FSTL5: variants seen among roughly 807,000 people sequenced by gnomAD.
FSTL5 encodes the protein follistatin like 5.
In FSTL5, 62 loss-of-function variants were observed where a neutral mutation model predicts 89.1. The observed-to-expected ratio is 0.70, with a 90% CI of 0.57 to 0.86. FSTL5 has a LOEUF of 0.86. Among genes scored for constraint, FSTL5 ranks in the 40% least tolerant of loss-of-function variants. FSTL5 has a pLI of 0.00. For missense variants in FSTL5, 1,057 were observed against 1,001.6 expected (o/e 1.06, Z -0.75); for synonymous variants, 383 against 346.2 (o/e 1.11, Z -1.18).
chr4:161,557,204 T>C (rs1021636253), intron 8 of FSTL5, among the ~76,000 whole-genome samples: 2 of 151,344 alleles, frequency 1.3e-5, no homozygotes, highest in Non-Finnish European at 3.0e-5. Context: ...AAACTACAAA[T>C]AAAAGAGCAG....
chr4:162,045,975 T>C (rs905187019), intron 2 of FSTL5, among the ~76,000 whole-genome samples: 12 of 152,192 alleles, frequency 7.9e-5, no homozygotes, highest in African/African-American at 2.4e-4. Context: ...TTCATATATA[T>C]GAGACACATT....
At chr4:161,550,519 T>C (rs1048075124) in intron 8 of FSTL5, among the ~76,000 whole-genome samples, 10 of 150,454 alleles carry the variant, frequency 6.6e-5, no homozygotes, top group Non-Finnish European at 7.4e-5. Context: ...TAACTTTTTT[T>C]TGTATTTTAT....
chr4:161,735,958 G>T (rs1560816886), intron 6 of FSTL5, among the ~76,000 whole-genome samples: 1 of 151,940 alleles, frequency 6.6e-6, no homozygotes, highest in African/African-American at 2.4e-5. Flanking sequence ...AAAGGGAAGA[G>T]AAAAAAGAGA....
At chr4:161,783,248 A>T (rs1177746089) in intron 4 of FSTL5, among the ~76,000 whole-genome samples, 1 of 152,194 alleles carries the variant, frequency 6.6e-6, no homozygotes, top group Admixed American at 6.5e-5. Context: ...AGTCTTTTAA[A>T]TCATTATCCT....
At chr4:162,108,783 T>C (rs1731326359) in intron 2 of FSTL5, among the ~76,000 whole-genome samples, 1 of 151,544 alleles carries the variant, frequency 6.6e-6, no homozygotes, top group African/African-American at 2.4e-5. Context: ...ACTAGATAAA[T>C]AGAAATATAT....
At chr4:161,532,603 C>T (rs28691234) in intron 10 of FSTL5, among the ~76,000 whole-genome samples, 4,096 of 152,146 alleles carry the variant, frequency 0.027, 175 homozygotes, top group African/African-American at 0.092. Flanking sequence ...GTTCTTTTGG[C>T]ATTTTTGAAA....
chr4:161,661,718 T>C (rs1042587921), intron 6 of FSTL5, among the ~76,000 whole-genome samples: 6 of 152,176 alleles, frequency 3.9e-5, no homozygotes, highest in Non-Finnish European at 8.8e-5. Flanking sequence ...ACTAAATGTC[T>C]ACCTGTTAAA....
chr4:161,686,575 C>T (rs887071013), intron 6 of FSTL5, among the ~76,000 whole-genome samples: 15 of 150,714 alleles, frequency 1.0e-4, no homozygotes, highest in East Asian at 3.9e-4. Flanking sequence ...TTATCCAGGA[C>T]GGTCTCGATC....
chr4:162,009,234 C>T (rs1313160902), intron 3 of FSTL5, among the ~76,000 whole-genome samples: 1 of 151,932 alleles, frequency 6.6e-6, no homozygotes, highest in Non-Finnish European at 1.5e-5. Context: ...TACTAGTGCC[C>T]CAGTATAATT....
chr4:161,393,513 G>A (rs1578939348), intron 15 of FSTL5, among the ~76,000 whole-genome samples: 1 of 152,060 alleles, frequency 6.6e-6, no homozygotes. Context: ...AGGGATGGAT[G>A]TAGCTACATC....
chr4:161,398,453 C>T (rs1731075693), intron 15 of FSTL5, among the ~76,000 whole-genome samples: 1 of 152,054 alleles, frequency 6.6e-6, no homozygotes. Context: ...AGTAAATAAT[C>T]TGAGAGATTA....
chr4:161,892,839 G>C lies in FSTL5; in HGVS notation c.409+27565C>G, dbSNP rs184073630. Among the ~76,000 whole-genome samples, 107 of 152,110 alleles carry C rather than the reference G, an allele frequency of 7.0e-4. 1 individual carries two copies. The highest frequency in any genetic ancestry group is 1.2e-3 in the Non-Finnish European group (84 of 67,918). On this transcript the variant is annotated intron_variant, in intron 4 of 15. Coordinates refer to ENST00000306100, the MANE Select transcript of FSTL5 (RefSeq NM_020116.5). ...ATGTCAGAAATTGAATATTTTACAC[G>C]TTAGTCAATGCTTTCCTTAACTTTT... is the stretch of plus-strand genomic sequence containing the variant.
At chr4:161,565,350 A>G (rs1271408137) in intron 8 of FSTL5, among the ~76,000 whole-genome samples, 3 of 151,980 alleles carry the variant, frequency 2.0e-5, no homozygotes, top group Admixed American at 6.6e-5. Flanking sequence ...GTAAATGTCA[A>G]GTAAATGGAA....
At chr4:161,866,332 C>T (rs1453837662) in intron 4 of FSTL5, among the ~76,000 whole-genome samples, 2 of 152,036 alleles carry the variant, frequency 1.3e-5, no homozygotes, top group Non-Finnish European at 2.9e-5. Flanking sequence ...TCCTAATTTT[C>T]CTTTGTTCTC....
At chr4:161,575,475 G>A (rs1369033007) in intron 8 of FSTL5, among the ~76,000 whole-genome samples, 2 of 151,186 alleles carry the variant, frequency 1.3e-5, no homozygotes, top group Admixed American at 1.3e-4. Flanking sequence ...TTTTTTGTGA[G>A]ACAGAGTCTC....
At chr4:161,897,589 A>G (rs971342166) in intron 4 of FSTL5, among the ~76,000 whole-genome samples, 7 of 151,074 alleles carry the variant, frequency 4.6e-5, no homozygotes, top group South Asian at 4.2e-4. Flanking sequence ...AAAAAAAAAA[A>G]AAAAAGAAAA....
At chr4:162,055,869 A>C (rs1204727230) in intron 2 of FSTL5, among the ~76,000 whole-genome samples, 1 of 151,958 alleles carries the variant, frequency 6.6e-6, no homozygotes, top group Non-Finnish European at 1.5e-5. Flanking sequence ...TATATAATAA[A>C]TGGCACTTGA....
chr4:161,482,327 T>A (rs1297149124), intron 12 of FSTL5, among the ~76,000 whole-genome samples: 3 of 150,946 alleles, frequency 2.0e-5, no homozygotes, highest in Admixed American at 6.6e-5. Context: ...AAAAAAAAAA[T>A]TATGTGCAGT....
At chr4:161,794,252 T>C (rs2126823217) in intron 4 of FSTL5, among the ~76,000 whole-genome samples, 1 of 152,248 alleles carries the variant, frequency 6.6e-6, no homozygotes, top group East Asian at 1.9e-4. Context: ...TCTAGATGAT[T>C]TATATGTACA....
Sources: gnomAD v4.1 joint callset for allele counts (sites outside exome capture counted in the v4.1 genomes callset) on GRCh38, gnomAD v4.1.1 for gene constraint, MANE v1.5 for transcripts, NCBI Gene and HGNC (gene_info 2026-07-23, HGNC 2026-07-21) for gene names.